MYO5B: variants seen among roughly 807,000 people sequenced by gnomAD.
The protein encoded by MYO5B is myosin VB.
In MYO5B, 143 loss-of-function variants were observed where a neutral mutation model predicts 229.3. That is an observed-to-expected ratio of 0.62 (90% CI 0.54 to 0.72). MYO5B has a LOEUF of 0.72. Ranked by LOEUF, MYO5B falls within the 30% of genes least tolerant of loss-of-function variation. The pLI is 0.00. For missense variants in MYO5B, 2,321 were observed against 2,331.0 expected (o/e 1.00, Z 0.09); for synonymous variants, 918 against 885.2 (o/e 1.04, Z -0.66).
At chr18:49,996,650 T>C (rs1403003121) in intron 5 of MYO5B, among the ~76,000 whole-genome samples, 1 of 152,224 alleles carries the variant, frequency 6.6e-6, no homozygotes, top group Non-Finnish European at 1.5e-5. Flanking sequence ...TTCAATGTAA[T>C]TGATTGTACA....
chr18:49,937,415 A>G lies in MYO5B; in HGVS notation c.1753-18T>C. Reference sequence around the variant, plus strand: ...AGTGGGAACTAGAAACAATCACAGGAAGAATGATGAAAGTGACATCTCCTG... The same window carrying G: ...AGTGGGAACTAGAAACAATCACAGGGAGAATGATGAAAGTGACATCTCCTG... On this transcript the variant is annotated intron_variant, in intron 14 of 39. Transcript: ENST00000285039. The G allele has an allele frequency of 6.2e-7, 1 of 1,613,302 alleles. No individual in the cohort carries two copies. Among genetic ancestry groups the G allele is most frequent in the Non-Finnish European group, 8.5e-7 (1 of 1,179,250 alleles).
intron 1 of MYO5B, among the ~76,000 whole-genome samples, chr18:50,162,780 A>G (rs1028756065): frequency 8.5e-5 from 13 of 152,220 alleles, no homozygotes; most frequent in Non-Finnish European, 5.9e-5. Flanking sequence ...CACCATCTGC[A>G]ACCCAGAGGT....
intron 1 of MYO5B, among the ~76,000 whole-genome samples, chr18:50,060,070 C>T (rs572091733): frequency 3.8e-4 from 58 of 152,114 alleles, no homozygotes; most frequent in African/African-American, 1.3e-3. Context: ...CTTTTTGGAG[C>T]GATGAAAGTG....
At chr18:50,038,481 T>C (rs1014996747) in intron 3 of MYO5B, among the ~76,000 whole-genome samples, 2 of 152,248 alleles carry the variant, frequency 1.3e-5, no homozygotes, top group African/African-American at 2.4e-5. Flanking sequence ...CAAATTCCAC[T>C]AATGCAGCTA....
In MYO5B at chr18:49,974,468, T is replaced by C; in HGVS notation, c.1204A>G (p.Asn402Asp). The C allele has an allele frequency of 1.9e-6, 3 of 1,614,152 alleles. No individual in the cohort carries two copies. Among genetic ancestry groups the C allele is most frequent in the Non-Finnish European group, 2.5e-6 (3 of 1,180,026 alleles). The change falls in exon 10 of 40, where the codon AAC (asparagine) becomes GAC (aspartate). Residue 402 changes from asparagine (N) to aspartate (D), a missense_variant. Asn to Asp is a conservative substitution (Grantham distance 23). Coordinates refer to ENST00000285039, the MANE Select transcript of MYO5B (RefSeq NM_001080467.3). Reference sequence around the variant, plus strand: ...GCATAGATGTGCTTCGCCAGGGCGTTGCGCGCATTGATCACCTGCTGCAGG... The same window carrying C: ...GCATAGATGTGCTTCGCCAGGGCGTCGCGCGCATTGATCACCTGCTGCAGG... ...MSLQQVINAR[N>D]ALAKHIYAQL...
At chr18:50,122,220 T>C (rs149651363) in intron 1 of MYO5B, among the ~76,000 whole-genome samples, 2 of 152,176 alleles carry the variant, frequency 1.3e-5, no homozygotes, top group Non-Finnish European at 2.9e-5. Context: ...CTTCTCCTAA[T>C]CACACAAATT....
At chr18:50,136,686 G>C (rs991920256) in intron 1 of MYO5B, among the ~76,000 whole-genome samples, 1 of 152,132 alleles carries the variant, frequency 6.6e-6, no homozygotes, top group African/African-American at 2.4e-5. Flanking sequence ...AAGGCATCTG[G>C]GTTCAAATCT....
At chr18:49,850,175 C>T (rs2024182519) in intron 31 of MYO5B, 1 of 214,296 alleles carries the variant, frequency 4.7e-6, no homozygotes, top group Non-Finnish European at 9.4e-6. Context: ...CATCAGCCCA[C>T]TGAGACCTAG....
intron 1 of MYO5B, among the ~76,000 whole-genome samples, chr18:50,090,105 T>A (rs2031416111): frequency 6.6e-6 from 1 of 152,174 alleles, no homozygotes; most frequent in African/African-American, 2.4e-5. Context: ...GGGAGCTTCC[T>A]CCTTGCCTAT....
intron 1 of MYO5B, among the ~76,000 whole-genome samples, chr18:50,188,802 A>C (rs528148065): frequency 0.43 from 59,232 of 138,522 alleles, 13,134 homozygotes; most frequent in East Asian, 0.51. Flanking sequence ...AAAAAAAAAA[A>C]AAAAAAAAAA....
At chr18:49,921,164 A>C (rs1477768325) in intron 17 of MYO5B, among the ~76,000 whole-genome samples, 3 of 152,138 alleles carry the variant, frequency 2.0e-5, no homozygotes, top group Non-Finnish European at 4.4e-5. Context: ...GGGGAGAAGA[A>C]AGTTGAGGAA....
chr18:50,059,462 G>A (rs534419634), intron 1 of MYO5B, among the ~76,000 whole-genome samples: 8 of 152,330 alleles, frequency 5.3e-5, no homozygotes, highest in Admixed American at 5.2e-4. Flanking sequence ...GACTTTGGAA[G>A]AGAGAAAGTT....
chr18:50,125,582 T>C (rs903941152), intron 1 of MYO5B, among the ~76,000 whole-genome samples: 1 of 152,216 alleles, frequency 6.6e-6, no homozygotes, highest in African/African-American at 2.4e-5. Flanking sequence ...TAGTGCTTGC[T>C]ATGTGTCAGG....
At chr18:49,865,017 G>A (rs532963404) in intron 27 of MYO5B, among the ~76,000 whole-genome samples, 1 of 152,290 alleles carries the variant, frequency 6.6e-6, no homozygotes, top group South Asian at 2.1e-4. Context: ...ATATTTTCTG[G>A]ATAGTACATT....
intron 19 of MYO5B, among the ~76,000 whole-genome samples, chr18:49,905,350 G>A (rs544601212): frequency 4.6e-5 from 7 of 152,038 alleles, no homozygotes; most frequent in Non-Finnish European, 1.0e-4. Flanking sequence ...CTTTCTGCTC[G>A]GGATGCATGG....
chr18:50,076,130 T>G (rs528029263), intron 1 of MYO5B, among the ~76,000 whole-genome samples: 1 of 152,186 alleles, frequency 6.6e-6, no homozygotes, highest in African/African-American at 2.4e-5. Context: ...TGGCAAGATA[T>G]TTCCTTTTTC....
rs568026970 is a variant in MYO5B at position 49,867,509 on chromosome 18, C to T, written c.3604-3129G>A. ...TGTGCTGAGGCTGGGCCCTGCACAC[C>T]GCATGCTTCCGATTTCCTGTCCCTG... On this transcript the variant is annotated intron_variant, in intron 27 of 39. Transcript: ENST00000285039. 9.2e-5 allele frequency among the ~76,000 whole-genome samples: 14 copies of T among 152,160 alleles called. No individual in the cohort carries two copies. The East Asian group carries it at 1.5e-3, about 17-fold the overall frequency.
intron 1 of MYO5B, among the ~76,000 whole-genome samples, chr18:50,088,457 A>G (rs773359460): frequency 6.6e-6 from 1 of 152,236 alleles, no homozygotes; most frequent in South Asian, 2.1e-4. Flanking sequence ...CCAATGTGAA[A>G]TATTTCTCAG....
At chr18:50,077,502 A>AACACACACACACACACACACAC (rs60086500) in intron 1 of MYO5B, among the ~76,000 whole-genome samples, 11 of 133,536 alleles carry the variant, frequency 8.2e-5, no homozygotes, top group Non-Finnish European at 1.5e-4. Context: ...CACACACACA[A>AACACACACACACACACACACAC]ACACACACAC....
Sources: gnomAD v4.1 joint callset for allele counts (sites outside exome capture counted in the v4.1 genomes callset) on GRCh38, gnomAD v4.1.1 for gene constraint, MANE v1.5 for transcripts, NCBI Gene and HGNC (gene_info 2026-07-23, HGNC 2026-07-21) for gene names.